CBFA2T3: variants seen among roughly 807,000 people sequenced by gnomAD.
CBFA2T3 encodes the protein CBFA2/RUNX1 partner transcriptional co-repressor 3.
CBFA2T3 carries 31 observed loss-of-function variants against 58.6 expected under a neutral mutation model. That is an observed-to-expected ratio of 0.53 (90% CI 0.40 to 0.71). The LOEUF (loss-of-function observed/expected upper bound fraction) is 0.71. Among genes scored for constraint, CBFA2T3 ranks in the 30% least tolerant of loss-of-function variants. The pLI is 0.00. For synonymous variants in CBFA2T3, 531 were observed against 421.9 expected (o/e 1.26, Z -3.17); for missense variants, 1,076 against 963.1 (o/e 1.12, Z -1.55).
intron 1 of CBFA2T3, among the ~76,000 whole-genome samples, chr16:88,925,841 C>A (rs1014534988): frequency 6.6e-6 from 1 of 152,232 alleles, no homozygotes; most frequent in African/African-American, 2.4e-5. Flanking sequence ...GCCCCGGTAC[C>A]AAGGACATGG....
At chr16:88,969,045 G>T (rs1239411174) in intron 1 of CBFA2T3, among the ~76,000 whole-genome samples, 1 of 152,198 alleles carries the variant, frequency 6.6e-6, no homozygotes, top group Non-Finnish European at 1.5e-5. Flanking sequence ...TGTGCGGCCT[G>T]GTGCCCCCGT....
chr16:88,917,740 TCCCCCAGCAA>T (rs1567607163), intron 1 of CBFA2T3, among the ~76,000 whole-genome samples: 4 of 152,008 alleles, frequency 2.6e-5, no homozygotes, highest in South Asian at 4.1e-4. Flanking sequence ...GCCAGAATGT[TCCCCCAGCAA>T]CCCCCAGCAG....
At position 88,875,129 on chromosome 16, in the gene CBFA2T3, C is replaced by G. The variant is rs1285734381; in HGVS notation, c.*1847G>C. The G allele has an allele frequency of 1.3e-5, 3 of 236,414 alleles. No homozygotes were observed. Among genetic ancestry groups the G allele is most frequent in the Non-Finnish European group, 2.5e-5 (3 of 120,048 alleles). 14.6% of individuals were successfully genotyped at this position (236,414 alleles called of 1,614,324 possible). The stretch of plus-strand genomic sequence containing the variant: ...CGGGCCACGCCACACACACAGATGC[C>G]AGGCCACGGGCCACGCCACGCACAC... On this transcript the variant is annotated 3_prime_UTR_variant, in exon 12 of 12. Transcript: ENST00000268679.
chr16:88,888,177 G>A (rs1281353063), intron 5 of CBFA2T3, among the ~76,000 whole-genome samples: 1 of 151,860 alleles, frequency 6.6e-6, no homozygotes, highest in South Asian at 2.1e-4. Context: ...CCAGGGCTGG[G>A]GTTCCAGCCA....
intron 1 of CBFA2T3, among the ~76,000 whole-genome samples, chr16:88,910,959 G>T (rs1970511785): frequency 6.6e-6 from 1 of 152,146 alleles, no homozygotes; most frequent in African/African-American, 2.4e-5. Context: ...GAGAGCCTCA[G>T]GCGCTGCCCT....
chr16:88,954,574 AAGGCTCCTGACCCCG>A (rs1487626003), intron 1 of CBFA2T3, among the ~76,000 whole-genome samples: 698 of 64,166 alleles, frequency 0.011, 67 homozygotes, highest in Non-Finnish European at 0.015. Context: ...GACCCTACCC[AAGGCTCCTGACCCCG>A]CCCAAGGCTC....
chr16:88,902,697 C>G (rs936087657), intron 1 of CBFA2T3, among the ~76,000 whole-genome samples: 1 of 152,232 alleles, frequency 6.6e-6, no homozygotes, highest in African/African-American at 2.4e-5. Flanking sequence ...CCCCATTTAT[C>G]TTAAGGCAAG....
chr16:88,894,891 G>T (rs1042174245), intron 3 of CBFA2T3, among the ~76,000 whole-genome samples: 1 of 151,984 alleles, frequency 6.6e-6, no homozygotes, highest in Non-Finnish European at 1.5e-5. Context: ...GGGCTGGGCT[G>T]GTGCAGCGGC....
intron 1 of CBFA2T3, among the ~76,000 whole-genome samples, chr16:88,943,941 G>T (rs1440243001): frequency 2.6e-5 from 4 of 152,204 alleles, no homozygotes; most frequent in Non-Finnish European, 5.9e-5. Flanking sequence ...CCACACTCAG[G>T]GCTCGGGAGG....
At chr16:88,894,415 G>A (rs1302742554) in intron 3 of CBFA2T3, among the ~76,000 whole-genome samples, 3 of 97,168 alleles carry the variant, frequency 3.1e-5, no homozygotes, top group East Asian at 8.7e-4. Context: ...ACACACACAT[G>A]CATACATATA....
chr16:88,934,485 C>A (rs1390534980), intron 1 of CBFA2T3, among the ~76,000 whole-genome samples: 1 of 152,260 alleles, frequency 6.6e-6, no homozygotes, highest in Non-Finnish European at 1.5e-5. Context: ...CTCAGCCACA[C>A]ACCTGGCCGG....
In CBFA2T3 at chr16:88,891,926, C is replaced by T. The variant is rs140495720; in HGVS notation, c.667G>A (p.Ala223Thr). 109 of 1,613,460 alleles carry T rather than the reference C, an allele frequency of 6.8e-5. No individual in the cohort carries two copies. Among genetic ancestry groups the T allele is most frequent in the Non-Finnish European group, 8.9e-5 (105 of 1,179,894 alleles). Residue 223 changes from alanine (A) to threonine (T), a missense_variant, in exon 5 of 12, where the codon GCC becomes ACC. Physicochemically the swap from Ala to Thr is moderately conservative, Grantham distance 58. Transcript: ENST00000268679. The part of the protein sequence containing the change: ...IEEFHSKLQE[A>T]TNFPLRPFVI... ...AACGGCCGCAGAGGGAAGTTGGTGG[C>T]CTCCTGAAGCTTGGAATGAAACTCC...
intron 1 of CBFA2T3, among the ~76,000 whole-genome samples, chr16:88,956,444 C>T (rs771063758): frequency 5.9e-5 from 9 of 152,258 alleles, no homozygotes; most frequent in Non-Finnish European, 1.3e-4. Flanking sequence ...CCCCCAGGCT[C>T]AGAGCCCAGC....
chr16:88,933,923 C>G (rs1360046313), intron 1 of CBFA2T3, among the ~76,000 whole-genome samples: 2 of 151,192 alleles, frequency 1.3e-5, no homozygotes, highest in South Asian at 2.1e-4. Flanking sequence ...GTGAGCCAAG[C>G]TGCACGCTGC....
rs186829197 is a variant in CBFA2T3 at position 88,949,034 on chromosome 16, A to G, written c.151+27623T>C. The stretch of plus-strand genomic sequence containing the variant: ...GCCCCATGTGGGGAAAATGAATTAT[A>G]TACTCCTTACTTCACTTGGAAAAAT... On this transcript the variant is annotated intron_variant, in intron 1 of 11. Transcript: ENST00000268679. Among the ~76,000 whole-genome samples, 1,197 of 152,362 alleles carry G rather than the reference A, an allele frequency of 7.9e-3. 7 individuals carry two copies. Among genetic ancestry groups the G allele is most frequent in the Non-Finnish European group, 0.012 (812 of 68,042 alleles).
intron 1 of CBFA2T3, among the ~76,000 whole-genome samples, chr16:88,914,286 A>G (rs1970619822): frequency 6.6e-6 from 1 of 152,234 alleles, no homozygotes; most frequent in Admixed American, 6.5e-5. Flanking sequence ...CGCAGTGACC[A>G]GAGGGGGATC....
intron 1 of CBFA2T3, among the ~76,000 whole-genome samples, chr16:88,925,058 G>A (rs1971040842): frequency 6.6e-6 from 1 of 152,232 alleles, no homozygotes; most frequent in Non-Finnish European, 1.5e-5. Context: ...CCAGCCCAAG[G>A]GGGAAGCAGT....
At position 88,920,633 on chromosome 16, in the gene CBFA2T3, G is replaced by A. The variant is rs144663456; in HGVS notation, c.152-18977C>T. 9.9e-3 allele frequency among the ~76,000 whole-genome samples: 1,513 copies of A among 152,322 alleles called. 8 individuals carry two copies. The highest frequency in any genetic ancestry group is 0.021 in the East Asian group (109 of 5,178). ...TCAAACTCCAACGGCCACAGGTGGTGCATGGTGACGGAGTGGCAGGAGGCC... is the reference window on the plus strand; with the variant it reads ...TCAAACTCCAACGGCCACAGGTGGTACATGGTGACGGAGTGGCAGGAGGCC... On this transcript the variant is annotated intron_variant, in intron 1 of 11. Transcript: ENST00000268679.
At chr16:88,877,467 A>G (rs1377010939) in intron 11 of CBFA2T3, among the ~76,000 whole-genome samples, 192 bp from the exon 12 acceptor site, 1 of 152,136 alleles carries the variant, frequency 6.6e-6, no homozygotes, top group African/African-American at 2.4e-5. Flanking sequence ...ACGGCATCCC[A>G]CTACCGTGTC....
Sources: allele counts gnomAD v4.1 joint callset (sites outside exome capture counted in the v4.1 genomes callset), GRCh38; gene constraint gnomAD v4.1.1; transcripts MANE v1.5; gene names NCBI Gene and HGNC (gene_info 2026-07-23, HGNC 2026-07-21).